SCN8A: variants seen among roughly 807,000 people sequenced by gnomAD.
SCN8A encodes sodium channel protein type 8 subunit alpha.
A neutral mutation model predicts 184.1 loss-of-function variants in SCN8A; 30 were observed. The ratio of observed to expected loss-of-function variants is 0.16; its 90% CI spans 0.12 to 0.22. The LOEUF is 0.22. Among genes scored for constraint, SCN8A ranks in the 10% least tolerant of loss-of-function variants. The pLI is 1.00. For missense variants in SCN8A, 1,057 were observed against 2,498.9 expected, an observed-to-expected ratio of 0.42 and a Z score of 12.30; for synonymous variants, 852 against 907.0, an observed-to-expected ratio of 0.94 and a Z score of 1.09.
At chr12:51,774,040 A>T in intron 19 of SCN8A, 149 bp from the exon 20 acceptor site, 5 of 545,072 alleles carry the variant, frequency 9.2e-6, no homozygotes, top group Non-Finnish European at 9.6e-6. Context: ...TAAAACATAA[A>T]AAGCCTGTGT....
intron 12 of SCN8A, among the ~76,000 whole-genome samples, chr12:51,743,460 G>T (rs1012539816): frequency 1.3e-5 from 2 of 152,178 alleles, no homozygotes; most frequent in Non-Finnish European, 2.9e-5. Flanking sequence ...GGATAATAAA[G>T]ATCTGGAAGA....
chr12:51,736,141 C>T (rs1363272277), intron 12 of SCN8A, among the ~76,000 whole-genome samples: 1 of 152,150 alleles, frequency 6.6e-6, no homozygotes, highest in Non-Finnish European at 1.5e-5. Flanking sequence ...ATGGCTTGTC[C>T]TTGAGAATTG....
intron 1 of SCN8A, among the ~76,000 whole-genome samples, chr12:51,645,458 C>T (rs1322268621): frequency 5.3e-5 from 8 of 152,186 alleles, no homozygotes; most frequent in African/African-American, 9.6e-5. Flanking sequence ...GGAGGTGTAC[C>T]CAACAGCTCA....
At chr12:51,788,671 C>G in intron 22 of SCN8A, 24 bp from the exon 23 acceptor site, 1 of 1,600,330 alleles carries the variant, frequency 6.2e-7, no homozygotes, top group Non-Finnish European at 8.5e-7. Context: ...TAGGCACCGT[C>G]TAATGACTGA....
intron 6 of SCN8A, among the ~76,000 whole-genome samples, chr12:51,698,276 C>T (rs764599365): frequency 2.6e-5 from 4 of 152,178 alleles, no homozygotes; most frequent in Non-Finnish European, 4.4e-5. Context: ...AGGCGTATTG[C>T]GTAAGTCAGA....
intron 2 of SCN8A, among the ~76,000 whole-genome samples, chr12:51,667,653 T>C (rs1189774549): frequency 6.6e-6 from 1 of 152,234 alleles, no homozygotes; most frequent in Non-Finnish European, 1.5e-5. Flanking sequence ...GAATACAAAA[T>C]GGCCATATAT....
At chr12:51,780,968 G>A (rs1937899793) in intron 21 of SCN8A, among the ~76,000 whole-genome samples, 197 bp downstream of exon 21, 1 of 151,894 alleles carries the variant, frequency 6.6e-6, no homozygotes, top group African/African-American at 2.4e-5. Context: ...CATTAATATT[G>A]GCCCCACCCC....
In SCN8A at chr12:51,636,351, G is replaced by A. The variant is rs538746735; in HGVS notation, c.-54-26413G>A. ...ATAGAATGCCTCAACTCATTATGTCGCTGTTTGTATCTGGAGTAAGTCAGC... is the reference window on the plus strand; with the variant it reads ...ATAGAATGCCTCAACTCATTATGTCACTGTTTGTATCTGGAGTAAGTCAGC... On this transcript the variant is annotated intron_variant, in intron 1 of 26. Coordinates refer to ENST00000627620, the MANE Select transcript of SCN8A (RefSeq NM_001330260.2). Among the ~76,000 whole-genome samples, 11 of 152,150 alleles carry A rather than the reference G, an allele frequency of 7.2e-5. No individual in the cohort carries two copies. In the East Asian group the frequency reaches 9.7e-4, roughly 13 times the overall value.
intron 8 of SCN8A, among the ~76,000 whole-genome samples, chr12:51,701,722 C>T (rs1023123357): frequency 1.3e-5 from 2 of 152,228 alleles, no homozygotes; most frequent in Admixed American, 6.5e-5. Context: ...ATAAGCCATG[C>T]TCTCTCTTGC....
In SCN8A at chr12:51,678,384, G is replaced by C. The variant is rs188986314; in HGVS notation, c.277-5790G>C. On this transcript the variant is annotated intron_variant, in intron 2 of 26. Transcript: ENST00000627620. ...AGGAAGCAGAATAACTAACTCAAGAGAGTTCTACAAGGATAAAATGTGAGA... is the reference window on the plus strand; with the variant it reads ...AGGAAGCAGAATAACTAACTCAAGACAGTTCTACAAGGATAAAATGTGAGA... 1.4e-3 allele frequency among the ~76,000 whole-genome samples: 214 copies of C among 152,332 alleles called. 1 individual carries two copies. Among genetic ancestry groups the C allele is most frequent in the Non-Finnish European group, 2.3e-3 (154 of 68,038 alleles).
chr12:51,679,743 T>TTTTTTTTTTTTAAG, intron 2 of SCN8A, among the ~76,000 whole-genome samples: 1 of 64,078 alleles, frequency 1.6e-5, no homozygotes, highest in East Asian at 5.2e-4. Flanking sequence ...TTTTTTTTTT[T>TTTTTTTTTTTTAAG]GAGACGGAGT....
intron 1 of SCN8A, among the ~76,000 whole-genome samples, chr12:51,617,646 T>C (rs1186307241): frequency 6.6e-6 from 1 of 152,206 alleles, no homozygotes; most frequent in Non-Finnish European, 1.5e-5. Flanking sequence ...AGTTTTTTTG[T>C]ATGTTAGTTT....
chr12:51,725,161 A>G (rs1031599891), intron 12 of SCN8A, among the ~76,000 whole-genome samples: 12 of 152,150 alleles, frequency 7.9e-5, no homozygotes, highest in Non-Finnish European at 7.3e-5. Context: ...AGGAAAAACT[A>G]TTTTTATTTA....
intron 26 of SCN8A, among the ~76,000 whole-genome samples, chr12:51,798,007 G>C (rs762857343): frequency 2.0e-5 from 3 of 152,134 alleles, no homozygotes; most frequent in Non-Finnish European, 4.4e-5. Flanking sequence ...TCCACCCCTT[G>C]ATTCCTGGAC....
intron 12 of SCN8A, chr12:51,722,328 C>T (rs980738307): frequency 2.9e-5 from 6 of 206,148 alleles, no homozygotes; most frequent in Admixed American, 5.3e-5. Flanking sequence ...GGAGCCTGCC[C>T]GGATGGAATG....
At chr12:51,797,850 G>T (rs144168664) in intron 26 of SCN8A, among the ~76,000 whole-genome samples, 94 of 152,270 alleles carry the variant, frequency 6.2e-4, no homozygotes, top group African/African-American at 2.2e-3. Context: ...CAGGTTTAAT[G>T]GAATCATTGT....
At chr12:51,732,560 T>C (rs924643347) in intron 12 of SCN8A, among the ~76,000 whole-genome samples, 1 of 152,186 alleles carries the variant, frequency 6.6e-6, no homozygotes, top group African/African-American at 2.4e-5. Flanking sequence ...CTGGGTCTTT[T>C]GTGATTTTAT....
At chr12:51,649,087 T>C (rs562119439) in intron 1 of SCN8A, among the ~76,000 whole-genome samples, 31 of 152,240 alleles carry the variant, frequency 2.0e-4, no homozygotes, top group Middle Eastern at 3.4e-3. Flanking sequence ...CCCATGCAAG[T>C]CCGAAATCCA....
chr12:51,793,253 C>T (rs1025928112), intron 25 of SCN8A, among the ~76,000 whole-genome samples: 2 of 152,060 alleles, frequency 1.3e-5, no homozygotes, highest in Non-Finnish European at 2.9e-5. Flanking sequence ...TCAACAGGCC[C>T]TTCAGTGGAT....
Sources: gnomAD v4.1 joint callset for allele counts (sites outside exome capture counted in the v4.1 genomes callset) on GRCh38, gnomAD v4.1.1 for gene constraint, MANE v1.5 for transcripts, NCBI Gene and HGNC (gene_info 2026-07-23, HGNC 2026-07-21) for gene names.